The following SLC17A3 variants were observed in gnomAD, a reference collection of about 807,000 sequenced individuals.
SLC17A3 encodes sodium-dependent phosphate transport protein 4.
A neutral mutation model predicts 60.3 loss-of-function variants in SLC17A3; 61 were observed. The ratio of observed to expected loss-of-function variants is 1.01; its 90% CI spans 0.82 to 1.25. The LOEUF (loss-of-function observed/expected upper bound fraction) is 1.25, where lower values mean the gene tolerates loss of function less well. Ranked by LOEUF, SLC17A3 falls within the 50% of genes most tolerant of loss-of-function variation. The pLI is 0.00. For synonymous variants in SLC17A3, 192 were observed against 208.9 expected, an observed-to-expected ratio of 0.92 and a Z score of 0.70; for missense variants, 624 against 594.9, an observed-to-expected ratio of 1.05 and a Z score of -0.51.
intron 2 of SLC17A3, among the ~76,000 whole-genome samples, chr6:25,863,447 T>C (rs1765485681): frequency 6.6e-6 from 1 of 152,136 alleles, no homozygotes; most frequent in Non-Finnish European, 1.5e-5. Flanking sequence ...TCAGATTTAT[T>C]ACACAAGGAC....
At chr6:25,847,708 CT>C (rs1765201004) in intron 11 of SLC17A3, among the ~76,000 whole-genome samples, 1 of 151,518 alleles carries the variant, frequency 6.6e-6, no homozygotes, top group African/African-American at 2.4e-5. Context: ...TGTATGTTTT[CT>C]TTTAAAAATT....
rs1561853675 is a variant in SLC17A3, at chr6:25,850,057, T to C, written c.1114A>G (p.Thr372Ala). 6.8e-6 allele frequency: 11 copies of C among 1,613,880 alleles called. No homozygotes were observed. The South Asian group carries it at 7.7e-5, about 11-fold the overall frequency. Reference protein sequence around the residue: ...FRLITVRKIATILGSLPSSAL... With the variant: ...FRLITVRKIAAILGSLPSSAL... ...CAAGCTCTGTTCTTACCTAAAATTG[T>C]GGCAATTTTCCTCACAGTGATGAGT... The change falls in exon 9 of 13, where the codon ACA becomes GCA. Residue 372 changes from threonine to alanine, a missense_variant. Thr to Ala is a moderately conservative substitution (Grantham distance 58). Coordinates refer to ENST00000397060, the MANE Select transcript of SLC17A3 (RefSeq NM_001098486.2).
At chr6:25,863,471 G>A (rs1765485919) in intron 2 of SLC17A3, among the ~76,000 whole-genome samples, 1 of 152,104 alleles carries the variant, frequency 6.6e-6, no homozygotes, top group Non-Finnish European at 1.5e-5. Context: ...AGGCAGAGCA[G>A]CTCTTTGGAA....
At chr6:25,848,416 C>T (rs962476154) in intron 11 of SLC17A3, among the ~76,000 whole-genome samples, 4 of 152,142 alleles carry the variant, frequency 2.6e-5, no homozygotes, top group Admixed American at 6.5e-5. Flanking sequence ...AAGGTAATAT[C>T]GCATTGTGGT....
At chr6:25,854,022 C>T (rs1471536962) in intron 6 of SLC17A3, among the ~76,000 whole-genome samples, 1 of 152,000 alleles carries the variant, frequency 6.6e-6, no homozygotes, top group Non-Finnish European at 1.5e-5. Context: ...AGAGGCTTTT[C>T]TGTCACTCAT....
rs745323153 is a variant in SLC17A3, at chr6:25,868,390, T to A, written c.-3A>T. 6.2e-7 allele frequency: 1 copy of A among 1,611,178 alleles called. No individual in the cohort carries two copies. Among genetic ancestry groups the A allele is most frequent in the African/African-American group, 1.3e-5 (1 of 74,862 alleles). ...CTCAACTCTGTCTTGGTGGCCATTG[T>A]GTTTCTCCTCTCCTAGTGAATGGTT... is the stretch of plus-strand genomic sequence containing the variant. On this transcript the variant is annotated 5_prime_UTR_variant, in exon 2 of 13. Coordinates refer to ENST00000397060, the MANE Select transcript of SLC17A3 (RefSeq NM_001098486.2).
At position 25,845,441 on chromosome 6, in the gene SLC17A3, T is replaced by C. The variant is rs756217850; in HGVS notation, c.1438A>G (p.Ile480Val). The change falls in exon 12 of 13, where the codon ATA becomes GTA. Residue 480 changes from isoleucine to valine, a missense_variant. Physicochemically the swap from Ile to Val is conservative, Grantham distance 29 (BLOSUM62 3). Transcript: ENST00000397060. The part of the protein sequence containing the change: ...VNLLGLLFYL[I>V]FGEADVQEWA... ...TCTTGGACATCTGCTTCTCCAAATATGAGGTAGAAGAGTAGTCCTAACAGG... is the reference window on the plus strand; with the variant it reads ...TCTTGGACATCTGCTTCTCCAAATACGAGGTAGAAGAGTAGTCCTAACAGG... 4 of 1,614,006 alleles carry C rather than the reference T, an allele frequency of 2.5e-6. No individual in the cohort carries two copies. The highest frequency in any genetic ancestry group is 1.1e-5 in the South Asian group (1 of 91,078).
At chr6:25,851,990 C>A (rs1442578367) in intron 6 of SLC17A3, among the ~76,000 whole-genome samples, 1 of 152,050 alleles carries the variant, frequency 6.6e-6, no homozygotes, top group Non-Finnish European at 1.5e-5. Context: ...GTACTGTTCT[C>A]TTTAATTGAC....
At chr6:25,860,617 A>G (rs1765431043) in intron 5 of SLC17A3, among the ~76,000 whole-genome samples, 1 of 152,134 alleles carries the variant, frequency 6.6e-6, no homozygotes, top group Non-Finnish European at 1.5e-5. Flanking sequence ...GGAGCCTCTG[A>G]AACAGCCCTT....
In SLC17A3 at chr6:25,861,902, C is replaced by T. The variant is rs762098724; in HGVS notation, c.431G>A (p.Gly144Asp). The change falls in exon 4 of 13, where the codon GGC (glycine) becomes GAC (aspartate). Residue 144 changes from glycine (G) to aspartate (D), a missense_variant. Physicochemically the swap from Gly to Asp is moderately conservative, Grantham distance 94. Coordinates refer to ENST00000397060, the MANE Select transcript of SLC17A3 (RefSeq NM_001098486.2). ...AGRVGTKRVV[G>D]ISLFATSFLT... ...AAATGAAGTTGCAAACAAAGAAATG[C>T]CAACCACTCGCTTTGTTCCTACTCT... 1.5e-5 allele frequency: 24 copies of T among 1,612,594 alleles called. No individual in the cohort carries two copies. Among genetic ancestry groups the T allele is most frequent in the African/African-American group, 2.7e-5 (2 of 74,860 alleles).
At position 25,861,961 on chromosome 6, in the gene SLC17A3, T is replaced by C. The variant is rs775245671; in HGVS notation, c.372A>G (p.Ile124Met). ...IIFGAVGYGG[I>M]LTMAPSGYLA... is the part of the protein sequence containing the mutation. The stretch of plus-strand genomic sequence containing the variant: ...GGTATCCACTGGGAGCCATTGTCAG[T>C]ATGCCACCATAGCCAACAGCACCAA... Residue 124 changes from isoleucine to methionine, a missense_variant, in exon 4 of 13, where the codon ATA becomes ATG. Physicochemically the swap from Ile to Met is conservative, Grantham distance 10. Coordinates refer to ENST00000397060, the MANE Select transcript of SLC17A3 (RefSeq NM_001098486.2). The C allele has an allele frequency of 1.9e-6, 3 of 1,612,554 alleles. No individual in the cohort carries two copies. Among genetic ancestry groups the C allele is most frequent in the South Asian group, 2.2e-5 (2 of 90,702 alleles).
At chr6:25,853,660 C>T (rs562401305) in intron 6 of SLC17A3, among the ~76,000 whole-genome samples, 8 of 152,020 alleles carry the variant, frequency 5.3e-5, no homozygotes, top group East Asian at 1.9e-4. Context: ...CTTCATGATC[C>T]GCCCACCTCG....
rs779208858 is a variant in SLC17A3 at position 25,862,460 on chromosome 6, C to T, written c.92-16G>A. 7.9e-5 allele frequency: 126 copies of T among 1,590,266 alleles called. No homozygotes were observed. Among genetic ancestry groups the T allele is most frequent in the Non-Finnish European group, 7.8e-6 (9 of 1,158,598 alleles). On this transcript the variant is annotated splice_polypyrimidine_tract_variant and intron_variant, in intron 2 of 12. Coordinates refer to ENST00000397060, the MANE Select transcript of SLC17A3 (RefSeq NM_001098486.2). ...AAACTTGGAACTGGAAATATTATGA[C>T]ATCATATTAGTGTTTTTTAAAATTG...
At chr6:25,855,300 A>G in intron 5 of SLC17A3, 70 bp from the exon 6 acceptor site, 2 of 1,037,902 alleles carry the variant, frequency 1.9e-6, no homozygotes, top group South Asian at 1.3e-5. Context: ...AAATTGATAG[A>G]TGACATATTA....
rs767777178 is a variant in SLC17A3 at position 25,850,875 on chromosome 6, C to A, written c.715G>T (p.Gly239Cys). ...AGAAGGCAGCAGACACAGCCAACAC[C>A]TCCTGTAAGCACAGGGTAAATTTGG... is the stretch of plus-strand genomic sequence containing the variant. ...GWPFVFYIFGGVGCVCCLLWF... is the reference protein window; with the variant it reads ...GWPFVFYIFGCVGCVCCLLWF... The change falls in exon 7 of 13, where the codon GGT (glycine) becomes TGT (cysteine). Residue 239 changes from glycine to cysteine, a missense_variant and splice_region_variant. Coordinates refer to ENST00000397060, the MANE Select transcript of SLC17A3 (RefSeq NM_001098486.2). 1.9e-6 allele frequency: 3 copies of A among 1,613,092 alleles called. No individual in the cohort carries two copies. Among genetic ancestry groups the A allele is most frequent in the Middle Eastern group, 1.7e-4 (1 of 6,060 alleles).
chr6:25,851,712 G>T (rs1765280614), intron 6 of SLC17A3, among the ~76,000 whole-genome samples: 1 of 152,000 alleles, frequency 6.6e-6, no homozygotes, highest in East Asian at 1.9e-4. Context: ...GAAGTAAATA[G>T]AATCATGAGT....
intron 11 of SLC17A3, among the ~76,000 whole-genome samples, chr6:25,846,420 A>G (rs1001212968): frequency 6.6e-6 from 1 of 152,218 alleles, no homozygotes; most frequent in Non-Finnish European, 1.5e-5. Flanking sequence ...ATAACTTCCA[A>G]TGGATGAATC....
chr6:25,855,186 T>A lies in SLC17A3; in HGVS notation c.670A>T (p.Ile224Phe), dbSNP rs770936051. Residue 224 changes from isoleucine to phenylalanine, a missense_variant, in exon 6 of 13, where the codon ATT (isoleucine) becomes TTT (phenylalanine). Ile to Phe is a conservative substitution (Grantham distance 21). Transcript: ENST00000397060. ...AAGGGCCACCCAAGGGTTTCACTAATGAAGCCACCTATGAGGATGGCAGTA... is the reference window on the plus strand; with the variant it reads ...AAGGGCCACCCAAGGGTTTCACTAAAGAAGCCACCTATGAGGATGGCAGTA... ...CFTAILIGGF[I>F]SETLGWPFVF... is the part of the protein sequence containing the mutation. The A allele has an allele frequency of 2.5e-6, 4 of 1,613,760 alleles. No individual in the cohort carries two copies. The East Asian group carries it at 6.7e-5, about 27-fold the overall frequency.
intron 2 of SLC17A3, among the ~76,000 whole-genome samples, chr6:25,866,492 G>A (rs1483827457): frequency 6.6e-6 from 1 of 151,992 alleles, no homozygotes; most frequent in East Asian, 1.9e-4. Flanking sequence ...AAGCCAAACT[G>A]TGCCTGGAGC....
Sources: allele counts gnomAD v4.1 joint callset (sites outside exome capture counted in the v4.1 genomes callset), GRCh38; gene constraint gnomAD v4.1.1; transcripts MANE v1.5; gene names NCBI Gene and HGNC (gene_info 2026-07-23, HGNC 2026-07-21).